MED13: variants seen among roughly 807,000 people sequenced by gnomAD.
MED13 encodes mediator of RNA polymerase II transcription subunit 13.
Under a neutral mutation model 225.2 loss-of-function variants are expected in MED13, and 23 were observed. The ratio of observed to expected loss-of-function variants is 0.10; its 90% confidence interval spans 0.07 to 0.14. The LOEUF (loss-of-function observed/expected upper bound fraction) is 0.14. Among genes scored for constraint, MED13 ranks in the 10% least tolerant of loss-of-function variants. The pLI is 1.00. For synonymous variants in MED13, 942 were observed against 889.2 expected, an observed-to-expected ratio of 1.06 and a Z score of -1.06; for missense variants, 2,197 against 2,594.5, an observed-to-expected ratio of 0.85 and a Z score of 3.33.
intron 8 of MED13, among the ~76,000 whole-genome samples, chr17:62,023,796 G>A (rs977184638): frequency 6.2e-4 from 94 of 152,310 alleles, no homozygotes; most frequent in African/African-American, 2.2e-3. Context: ...GTAGCTCACT[G>A]TCTATCTGTC....
chr17:61,991,844 C>T (rs146466720), intron 11 of MED13, among the ~76,000 whole-genome samples: 3,846 of 152,180 alleles, frequency 0.025, 71 homozygotes, highest in Middle Eastern at 0.12. Flanking sequence ...TGGTGTTTCA[C>T]CATGTTGGAC....
intron 17 of MED13, among the ~76,000 whole-genome samples, chr17:61,971,598 C>T (rs996079389): frequency 6.6e-6 from 1 of 152,126 alleles, no homozygotes; most frequent in Non-Finnish European, 1.5e-5. Flanking sequence ...ACCACGCCGG[C>T]TACCATCTTA....
chr17:62,033,022 C>T (rs942104427), intron 5 of MED13, among the ~76,000 whole-genome samples: 5 of 151,992 alleles, frequency 3.3e-5, no homozygotes, highest in Admixed American at 1.3e-4. Flanking sequence ...TGGTGGCATG[C>T]GCCTGTAATC....
At chr17:61,958,412 C>G (rs986765198) in intron 23 of MED13, among the ~76,000 whole-genome samples, 1 of 150,748 alleles carries the variant, frequency 6.6e-6, no homozygotes, top group African/African-American at 2.4e-5. Context: ...GATCTCGGCT[C>G]ACTGCAACCT....
intron 15 of MED13, 148 bp from the exon 16 acceptor site, chr17:61,983,262 A>C: frequency 1.5e-6 from 1 of 666,916 alleles, no homozygotes; most frequent in Non-Finnish European, 2.4e-6. Flanking sequence ...AAGCACAGTC[A>C]ATTCTTATTT....
intron 3 of MED13, among the ~76,000 whole-genome samples, chr17:62,038,238 T>C (rs1281880593): frequency 6.6e-6 from 1 of 151,584 alleles, no homozygotes; most frequent in Non-Finnish European, 1.5e-5. Context: ...CACAAAAAAA[T>C]TAAAAATTAG....
intron 8 of MED13, among the ~76,000 whole-genome samples, chr17:62,026,761 A>G (rs1005092504): frequency 6.6e-6 from 1 of 152,158 alleles, no homozygotes; most frequent in Admixed American, 6.5e-5. Flanking sequence ...AAATCACTGT[A>G]CAAAAATCAC....
chr17:62,064,529 T>C (rs1214378680), intron 1 of MED13, among the ~76,000 whole-genome samples: 1 of 152,170 alleles, frequency 6.6e-6, no homozygotes, highest in Non-Finnish European at 1.5e-5. Flanking sequence ...GCAAGATGGC[T>C]AGAAATTGTC....
At chr17:62,035,365 T>C in intron 4 of MED13, 98 bp downstream of exon 4, 1 of 1,009,830 alleles carries the variant, frequency 9.9e-7, no homozygotes, top group Non-Finnish European at 1.4e-6. Context: ...AGGCTAAAGA[T>C]CAGGGGGAAT....
intron 1 of MED13, among the ~76,000 whole-genome samples, chr17:62,064,219 CA>C (rs1419325518): frequency 6.6e-6 from 1 of 152,156 alleles, no homozygotes; most frequent in Non-Finnish European, 1.5e-5. Flanking sequence ...TAAAGTCACC[CA>C]AACTTAAAGT....
In MED13 at chr17:62,065,011, G is replaced by A. The variant is rs548693988; in HGVS notation, c.66+129C>T. On this transcript the variant is annotated intron_variant, in intron 1 of 29. Coordinates refer to ENST00000397786, the MANE Select transcript of MED13 (RefSeq NM_005121.3). ...CCGGGGCTGGCCGCGGAGCTTCGCA[G>A]GGCGCCGGCTCCGGCTGGGCCTCGC... 50 of 739,974 alleles carry A rather than the reference G, an allele frequency of 6.8e-5. No homozygotes were observed. The African/African-American group carries it at 8.4e-4, about 12-fold the overall frequency. 45.8% of individuals were successfully genotyped at this position (739,974 alleles called of 1,614,324 possible). A position where few individuals can be genotyped will look rare whatever the true frequency, so the allele number is the denominator to read the frequency against.
In MED13 at chr17:61,942,821, A is replaced by G. The variant is rs2079824810; in HGVS notation, c.*3647T>C. The G allele has an allele frequency of 6.6e-6, 1 of 152,546 alleles. No homozygotes were observed. Among genetic ancestry groups the G allele is most frequent in the African/African-American group, 2.4e-5 (1 of 41,446 alleles). The allele number at this position is 152,546 out of a possible 1,614,324, so 9.4% of individuals were successfully genotyped here. On this transcript the variant is annotated 3_prime_UTR_variant, in exon 30 of 30. Transcript: ENST00000397786. ...TATTAAATGTCACTGCTAAACAACA[A>G]CTTTAAAACGCCCCTTCATAAAGTG...
At chr17:61,947,706 C>G (rs943065792) in intron 28 of MED13, among the ~76,000 whole-genome samples, 2 of 152,102 alleles carry the variant, frequency 1.3e-5, no homozygotes, top group Non-Finnish European at 2.9e-5. Flanking sequence ...TTTGCCCACT[C>G]AATTTCATAA....
chr17:62,055,713 T>C (rs946168162), intron 2 of MED13, among the ~76,000 whole-genome samples: 3 of 151,364 alleles, frequency 2.0e-5, no homozygotes, highest in African/African-American at 7.3e-5. Context: ...GTCCCAGCTA[T>C]CCGGGAGGCT....
chr17:61,946,855 G>A (rs1463164917), intron 29 of MED13, 62 bp downstream of exon 29: 1 of 1,432,568 alleles, frequency 7.0e-7, no homozygotes, highest in East Asian at 2.3e-5. Flanking sequence ...AAATATATAA[G>A]AATCAACATT....
At position 62,065,122 on chromosome 17, in the gene MED13, G is replaced by A; in HGVS notation, c.66+18C>T. 1.3e-6 allele frequency: 2 copies of A among 1,534,170 alleles called. No individual in the cohort carries two copies. Among genetic ancestry groups the A allele is most frequent in the Admixed American group, 2.0e-5 (1 of 49,720 alleles). ...TCGCGGCCCCCCTCCCTCGGCGCCC[G>A]CCGGCCCCGGCACTCACCAGGCAGA... On this transcript the variant is annotated intron_variant, in intron 1 of 29. Transcript: ENST00000397786.
chr17:62,013,095 C>T (rs976988075), intron 8 of MED13, among the ~76,000 whole-genome samples: 2 of 151,782 alleles, frequency 1.3e-5, no homozygotes, highest in East Asian at 1.9e-4. Flanking sequence ...CCGGCCGAGA[C>T]ACCTTTTTGT....
At position 61,966,591 on chromosome 17, in the gene MED13, C is replaced by G; in HGVS notation, c.4252G>C (p.Val1418Leu). ...SRLLTDGIMR[V>L]GSTASKKLSE... is the part of the protein sequence containing the mutation. ...AGTTTCTTTGATGCAGTAGATCCAA[C>G]TCTCATGATCCCATCTGTTAACAGT... The change falls in exon 19 of 30, where the codon GTT becomes CTT. Residue 1418 changes from valine to leucine, a missense_variant. This residue lies in a region of MED13 where 457 missense variants were observed against 442.2 expected (regional missense o/e 1.03). Transcript: ENST00000397786. The G allele has an allele frequency of 6.2e-7, 1 of 1,613,904 alleles. No individual in the cohort carries two copies. Among genetic ancestry groups the G allele is most frequent in the East Asian group, 2.2e-5 (1 of 44,866 alleles).
chr17:61,972,545 T>TG (rs1368345354), intron 17 of MED13, among the ~76,000 whole-genome samples, 182 bp downstream of exon 17: 5 of 152,004 alleles, frequency 3.3e-5, no homozygotes, highest in African/African-American at 1.2e-4. Flanking sequence ...GAAGTGGAGT[T>TG]GGAGAGTTGA....
Sources: allele counts gnomAD v4.1 joint callset (sites outside exome capture counted in the v4.1 genomes callset), GRCh38; gene constraint gnomAD v4.1.1; regional missense constraint gnomAD v4.1.1; transcripts MANE v1.5; gene names NCBI Gene and HGNC (gene_info 2026-07-23, HGNC 2026-07-21).